Variants in TMEM178A observed in about 807,000 individuals in gnomAD.
TMEM178A encodes the protein transmembrane protein 178.
In TMEM178A, 12 loss-of-function variants were observed where a neutral mutation model predicts 29.1. That is an observed-to-expected ratio of 0.41 (90% CI 0.26 to 0.67). The LOEUF (loss-of-function observed/expected upper bound fraction) is 0.67. Among genes scored for constraint, TMEM178A ranks in the 30% least tolerant of loss-of-function variants. The pLI is 0.29. For synonymous variants in TMEM178A, 210 were observed against 187.2 expected, an observed-to-expected ratio of 1.12 and a Z score of -0.99; for missense variants, 366 against 419.1, an observed-to-expected ratio of 0.87 and a Z score of 1.11.
At chr2:39,669,097 T>G (rs751383293) in intron 1 of TMEM178A, among the ~76,000 whole-genome samples, 4 of 152,166 alleles carry the variant, frequency 2.6e-5, no homozygotes, top group Non-Finnish European at 4.4e-5. Context: ...TAGCATCGTT[T>G]AGAAATTTTA....
intron 1 of TMEM178A, among the ~76,000 whole-genome samples, chr2:39,667,051 G>C (rs1670197916): frequency 6.6e-6 from 1 of 152,214 alleles, no homozygotes; most frequent in African/African-American, 2.4e-5. Context: ...GGTGGAGGCT[G>C]CCCGAGGCAG....
At chr2:39,669,839 A>T (rs1670336297) in intron 1 of TMEM178A, among the ~76,000 whole-genome samples, 2 of 152,226 alleles carry the variant, frequency 1.3e-5, no homozygotes, top group African/African-American at 2.4e-5. Flanking sequence ...TGCTTTAGAG[A>T]TATTACATTC....
the TMEM178A span, among the ~76,000 whole-genome samples, chr2:39,727,056 A>C: frequency 6.6e-6 from 1 of 152,094 alleles, no homozygotes; most frequent in African/African-American, 2.4e-5. Context: ...TTTTCTCTCA[A>C]ATGTTTTCCT....
chr2:39,696,413 C>A (rs561759980), intron 1 of TMEM178A, among the ~76,000 whole-genome samples: 4 of 152,306 alleles, frequency 2.6e-5, no homozygotes, highest in African/African-American at 9.6e-5. Context: ...AATTCATAAT[C>A]CATCGCTGAC....
chr2:39,711,305 A>C (rs1204394099), intron 3 of TMEM178A, among the ~76,000 whole-genome samples: 2 of 152,260 alleles, frequency 1.3e-5, no homozygotes, highest in Non-Finnish European at 2.9e-5. Flanking sequence ...ACTTATTATA[A>C]TTTAAGTTAT....
At chr2:39,683,833 G>C (rs1670966329) in intron 1 of TMEM178A, among the ~76,000 whole-genome samples, 1 of 152,170 alleles carries the variant, frequency 6.6e-6, no homozygotes, top group Non-Finnish European at 1.5e-5. Flanking sequence ...CTGACTTCTA[G>C]AAAAATACTG....
intron 1 of TMEM178A, among the ~76,000 whole-genome samples, chr2:39,689,154 A>C (rs946661757): frequency 6.6e-6 from 1 of 152,220 alleles, no homozygotes; most frequent in African/African-American, 2.4e-5. Flanking sequence ...GGATTCTATC[A>C]AGACACCTGG....
intron 1 of TMEM178A, among the ~76,000 whole-genome samples, chr2:39,703,384 G>A (rs1671879542): frequency 6.6e-6 from 1 of 152,192 alleles, no homozygotes; most frequent in African/African-American, 2.4e-5. Context: ...GTGTGAGGAG[G>A]TGGAGAGTGT....
At position 39,689,191 on chromosome 2, in the gene TMEM178A, A is replaced by G. The variant is rs116640630; in HGVS notation, c.401-14890A>G. On this transcript the variant is annotated intron_variant, in intron 1 of 3. Coordinates refer to ENST00000281961, the MANE Select transcript of TMEM178A (RefSeq NM_152390.3). Reference sequence around the variant, plus strand: ...AGGGACCAACAGTATATTGTTTTTAAGGATAATTTGCTCTGGAACACTGCC... The same window carrying G: ...AGGGACCAACAGTATATTGTTTTTAGGGATAATTTGCTCTGGAACACTGCC... Among the ~76,000 whole-genome samples the G allele has an allele frequency of 5.4e-3, 826 of 152,304 alleles. 11 individuals carry two copies. Among genetic ancestry groups the G allele is most frequent in the African/African-American group, 0.019 (780 of 41,558 alleles).
chr2:39,685,135 C>A (rs1243555978), intron 1 of TMEM178A, among the ~76,000 whole-genome samples: 1 of 152,138 alleles, frequency 6.6e-6, no homozygotes, highest in Admixed American at 6.6e-5. Context: ...TTGGGGTTCC[C>A]AATAGAGAGC....
intron 1 of TMEM178A, among the ~76,000 whole-genome samples, chr2:39,683,003 A>C (rs1161114870): frequency 6.6e-6 from 1 of 152,226 alleles, no homozygotes; most frequent in East Asian, 1.9e-4. Flanking sequence ...GGGGGATGGC[A>C]GTGGCAAAGG....
At chr2:39,710,789 A>G (rs1443831504) in intron 3 of TMEM178A, among the ~76,000 whole-genome samples, 2 of 152,252 alleles carry the variant, frequency 1.3e-5, no homozygotes, top group Non-Finnish European at 2.9e-5. Context: ...TGCTAAACTT[A>G]GCCCCTTCTA....
chr2:39,692,688 C>G (rs940865078), intron 1 of TMEM178A, among the ~76,000 whole-genome samples: 2 of 152,054 alleles, frequency 1.3e-5, no homozygotes, highest in African/African-American at 4.8e-5. Context: ...CAACTATGGG[C>G]TAGGCACTGT....
At chr2:39,686,441 C>T in intron 1 of TMEM178A, among the ~76,000 whole-genome samples, 1 of 152,046 alleles carries the variant, frequency 6.6e-6, no homozygotes, top group East Asian at 1.9e-4. Context: ...CCTACTTATC[C>T]TTCAGAAACT....
At chr2:39,672,100 T>A (rs1018315354) in intron 1 of TMEM178A, among the ~76,000 whole-genome samples, 6 of 152,216 alleles carry the variant, frequency 3.9e-5, no homozygotes, top group African/African-American at 1.4e-4. Context: ...CATACCCAAG[T>A]GTGATATTCA....
intron 1 of TMEM178A, among the ~76,000 whole-genome samples, chr2:39,675,187 G>T: frequency 6.6e-6 from 1 of 152,166 alleles, no homozygotes; most frequent in Non-Finnish European, 1.5e-5. Context: ...TTGTATAGAA[G>T]ATGTAGGGGT....
chr2:39,671,810 T>A (rs958337103), intron 1 of TMEM178A, among the ~76,000 whole-genome samples: 3 of 152,188 alleles, frequency 2.0e-5, no homozygotes, highest in Non-Finnish European at 4.4e-5. Context: ...AGACTGCTTC[T>A]CTCACTGCTC....
intron 1 of TMEM178A, among the ~76,000 whole-genome samples, chr2:39,684,390 C>A (rs1044680903): frequency 6.6e-6 from 1 of 151,964 alleles, no homozygotes; most frequent in Non-Finnish European, 1.5e-5. Flanking sequence ...GTTATATAAA[C>A]CTGTTAAAAG....
chr2:39,684,664 G>A (rs1670998185), intron 1 of TMEM178A, among the ~76,000 whole-genome samples: 1 of 152,150 alleles, frequency 6.6e-6, no homozygotes, highest in Admixed American at 6.5e-5. Flanking sequence ...TGCAGCTCCT[G>A]ATAACTTACT....
Sources: allele counts gnomAD v4.1 joint callset (sites outside exome capture counted in the v4.1 genomes callset), GRCh38; gene constraint gnomAD v4.1.1; transcripts MANE v1.5; gene names NCBI Gene and HGNC (gene_info 2026-07-23, HGNC 2026-07-21).